CACNA2D3: variants seen among roughly 807,000 people sequenced by gnomAD.
CACNA2D3 encodes voltage-dependent calcium channel subunit alpha-2/delta-3.
A neutral mutation model predicts 160.6 loss-of-function variants in CACNA2D3; 60 were observed. The ratio of observed to expected loss-of-function variants is 0.37; its 90% CI spans 0.30 to 0.46. The LOEUF (loss-of-function observed/expected upper bound fraction) is 0.46. Among genes scored for constraint, CACNA2D3 ranks in the 20% least tolerant of loss-of-function variants. The probability of loss-of-function intolerance (pLI) is 1.00; values close to 1 mark genes in which losing one functional copy is unlikely to be tolerated. For missense variants in CACNA2D3, 1,205 were observed against 1,365.0 expected (o/e 0.88, Z 1.85); for synonymous variants, 558 against 492.9 (o/e 1.13, Z -1.75).
At chr3:54,798,980 G>C (rs538348132) in intron 13 of CACNA2D3, among the ~76,000 whole-genome samples, 1 of 152,232 alleles carries the variant, frequency 6.6e-6, no homozygotes, top group South Asian at 2.1e-4. Context: ...AAATGATAGA[G>C]TAATTTATTT....
At chr3:54,149,932 C>CCTCCCTCT (rs1164308051) in intron 2 of CACNA2D3, among the ~76,000 whole-genome samples, 244 of 23,804 alleles carry the variant, frequency 0.01, 11 homozygotes, top group Admixed American at 0.015. Context: ...TCTCTCTCTC[C>CCTCCCTCT]CTCCCTCCCT....
intron 3 of CACNA2D3, among the ~76,000 whole-genome samples, chr3:54,362,865 A>G (rs1698766056): frequency 6.6e-6 from 1 of 152,220 alleles, no homozygotes; most frequent in Non-Finnish European, 1.5e-5. Flanking sequence ...TGAGATGGGA[A>G]CAGAAATTGA....
chr3:54,211,705 T>C (rs1377805961), intron 2 of CACNA2D3, among the ~76,000 whole-genome samples: 1 of 152,212 alleles, frequency 6.6e-6, no homozygotes, highest in African/African-American at 2.4e-5. Flanking sequence ...CTCACTACTT[T>C]CATTTTATCG....
intron 2 of CACNA2D3, among the ~76,000 whole-genome samples, chr3:54,207,227 G>A (rs1309568294): frequency 7.1e-6 from 1 of 141,134 alleles, no homozygotes; most frequent in Non-Finnish European, 1.5e-5. Flanking sequence ...TGTATGCATG[G>A]CAACAAATTA....
At chr3:54,818,429 C>T (rs538988699) in intron 14 of CACNA2D3, among the ~76,000 whole-genome samples, 1 of 152,192 alleles carries the variant, frequency 6.6e-6, no homozygotes, top group African/African-American at 2.4e-5. Context: ...GATCTGCCTG[C>T]CTCGGCCTCA....
In CACNA2D3 at chr3:54,494,162, G is replaced by A. The variant is rs188395266; in HGVS notation, c.382-9330G>A. ...TTTACTCGGATGACATGGGGAACAAGGATTCAGAAATACTGAGGTGACTTG... is the reference window on the plus strand; with the variant it reads ...TTTACTCGGATGACATGGGGAACAAAGATTCAGAAATACTGAGGTGACTTG... On this transcript the variant is annotated intron_variant, in intron 4 of 37. Transcript: ENST00000474759. Among the ~76,000 whole-genome samples, 119 of 152,304 alleles carry A rather than the reference G, an allele frequency of 7.8e-4. 1 individual carries two copies. Among genetic ancestry groups the A allele is most frequent in the Admixed American group, 2.6e-3 (40 of 15,298 alleles).
At chr3:54,275,704 G>A (rs796469234) in intron 2 of CACNA2D3, among the ~76,000 whole-genome samples, 19 of 152,204 alleles carry the variant, frequency 1.2e-4, no homozygotes, top group African/African-American at 3.9e-4. Context: ...TGCAACCTCC[G>A]CCTTCTGGGT....
chr3:54,151,931 C>T (rs946909818), intron 2 of CACNA2D3, among the ~76,000 whole-genome samples: 1 of 152,230 alleles, frequency 6.6e-6, no homozygotes, highest in South Asian at 2.1e-4. Flanking sequence ...GCTAAATCCT[C>T]GTAGAGCTGT....
At chr3:54,343,346 T>C (rs988344971) in intron 3 of CACNA2D3, among the ~76,000 whole-genome samples, 5 of 152,082 alleles carry the variant, frequency 3.3e-5, no homozygotes, top group African/African-American at 1.2e-4. Flanking sequence ...GGCTGGAGTA[T>C]AGTGGCACCA....
At chr3:55,039,566 T>A (rs1202193995) in intron 35 of CACNA2D3, among the ~76,000 whole-genome samples, 1 of 152,256 alleles carries the variant, frequency 6.6e-6, no homozygotes, top group Non-Finnish European at 1.5e-5. Context: ...CTTTGGCCTG[T>A]GGAAGCCACT....
At chr3:54,166,340 C>T (rs759989527) in intron 2 of CACNA2D3, among the ~76,000 whole-genome samples, 15 of 152,314 alleles carry the variant, frequency 9.8e-5, no homozygotes, top group Middle Eastern at 3.4e-3. Flanking sequence ...ATGCTCCTTG[C>T]TGAATACCAT....
At chr3:54,474,468 A>G (rs2106882194) in intron 4 of CACNA2D3, among the ~76,000 whole-genome samples, 1 of 152,296 alleles carries the variant, frequency 6.6e-6, no homozygotes, top group Middle Eastern at 3.4e-3. Flanking sequence ...TGATGGGTGC[A>G]GCAAACCACT....
intron 5 of CACNA2D3, among the ~76,000 whole-genome samples, chr3:54,538,775 T>G (rs956800007): frequency 6.6e-6 from 1 of 152,162 alleles, no homozygotes; most frequent in Non-Finnish European, 1.5e-5. Flanking sequence ...GGTGCATCCA[T>G]GTGCATGAGT....
At chr3:54,549,280 A>G (rs1339611427) in intron 5 of CACNA2D3, among the ~76,000 whole-genome samples, 1 of 152,136 alleles carries the variant, frequency 6.6e-6, no homozygotes, top group Middle Eastern at 3.2e-3. Flanking sequence ...CCCCGTCTCT[A>G]CTAAAAATAC....
Position 54,899,774 on chromosome 3 carries a change from T to G in CACNA2D3, c.2369-14T>G. On this transcript the variant is annotated splice_polypyrimidine_tract_variant and intron_variant, in intron 26 of 37. Coordinates refer to ENST00000474759, the MANE Select transcript of CACNA2D3 (RefSeq NM_018398.3). ...TTATCTTCATTTTTGTTGTGGTGTT[T>G]TTTCTTTTCACAGGACCAGTCAATA... 1 of 1,590,362 alleles carries G rather than the reference T, an allele frequency of 6.3e-7. No homozygotes were observed. Among genetic ancestry groups the G allele is most frequent in the East Asian group, 2.2e-5 (1 of 44,476 alleles).
At chr3:54,164,062 G>A (rs1276784330) in intron 2 of CACNA2D3, among the ~76,000 whole-genome samples, 2 of 152,232 alleles carry the variant, frequency 1.3e-5, no homozygotes, top group Non-Finnish European at 2.9e-5. Flanking sequence ...TGAACATCAT[G>A]TAGCAGTTAG....
chr3:54,950,596 T>C (rs1701733583), intron 27 of CACNA2D3, among the ~76,000 whole-genome samples: 1 of 152,098 alleles, frequency 6.6e-6, no homozygotes, highest in Non-Finnish European at 1.5e-5. Context: ...TCAAAGAAAA[T>C]ATGCCAACAG....
chr3:54,870,240 A>G (rs1293115046), intron 17 of CACNA2D3, among the ~76,000 whole-genome samples: 2 of 152,168 alleles, frequency 1.3e-5, no homozygotes, highest in African/African-American at 4.8e-5. Context: ...CTGGTTCAAC[A>G]TATGGGTGGC....
At chr3:54,838,892 C>G (rs1176340414) in intron 16 of CACNA2D3, among the ~76,000 whole-genome samples, 1 of 151,976 alleles carries the variant, frequency 6.6e-6, no homozygotes, top group African/African-American at 2.4e-5. Flanking sequence ...AATGTTATAT[C>G]TTAAGTTTTG....
Sources: allele counts gnomAD v4.1 joint callset (sites outside exome capture counted in the v4.1 genomes callset), GRCh38; gene constraint gnomAD v4.1.1; transcripts MANE v1.5; gene names NCBI Gene and HGNC (gene_info 2026-07-23, HGNC 2026-07-21).